The following ALKAL1 variants were observed in gnomAD, a reference collection of about 807,000 sequenced individuals.
ALKAL1 encodes AUG-beta.
A neutral mutation model predicts 13.5 loss-of-function variants in ALKAL1; 23 were observed. That is an observed-to-expected ratio of 1.70 (90% CI 1.23 to 2.41). The LOEUF is 2.41. Among genes scored for constraint, ALKAL1 ranks in the 30% most tolerant of loss-of-function variants. The pLI is 0.00. For synonymous variants in ALKAL1, 85 were observed against 77.7 expected, an observed-to-expected ratio of 1.09 and a Z score of -0.49; for missense variants, 181 against 178.4, an observed-to-expected ratio of 1.01 and a Z score of -0.08.
chr8:52,560,790 C>T (rs1847541990), intron 1 of ALKAL1, among the ~76,000 whole-genome samples: 1 of 152,156 alleles, frequency 6.6e-6, no homozygotes, highest in Admixed American at 6.5e-5. Context: ...TATGATCCTG[C>T]TAGCTAGCAG....
At chr8:52,563,356 G>A (rs1847570155) in intron 1 of ALKAL1, among the ~76,000 whole-genome samples, 1 of 152,226 alleles carries the variant, frequency 6.6e-6, no homozygotes, top group Non-Finnish European at 1.5e-5. Flanking sequence ...GCTTGAACCC[G>A]GGAGGCGGAG....
At chr8:52,563,355 C>T (rs879909203) in intron 1 of ALKAL1, among the ~76,000 whole-genome samples, 6 of 152,124 alleles carry the variant, frequency 3.9e-5, no homozygotes, top group African/African-American at 9.7e-5. Flanking sequence ...GGCTTGAACC[C>T]GGGAGGCGGA....
At chr8:52,544,654 G>A (rs1847349108) in intron 1 of ALKAL1, among the ~76,000 whole-genome samples, 1 of 152,120 alleles carries the variant, frequency 6.6e-6, no homozygotes, top group African/African-American at 2.4e-5. Flanking sequence ...TGGGTAGGAT[G>A]AGCAAGTCTA....
At chr8:52,556,604 G>C (rs10958329) in intron 1 of ALKAL1, among the ~76,000 whole-genome samples, 44,408 of 131,074 alleles carry the variant, frequency 0.34, 7,293 homozygotes, top group Middle Eastern at 0.42. Flanking sequence ...TCGAGATCGC[G>C]CCACTGCACT....
At chr8:52,535,729 C>A (rs1473417766) in intron 4 of ALKAL1, among the ~76,000 whole-genome samples, 1 of 152,038 alleles carries the variant, frequency 6.6e-6, no homozygotes, top group Non-Finnish European at 1.5e-5. Context: ...ACTAACAGTT[C>A]TAATTATTAT....
chr8:52,558,185 C>T (rs896358923), intron 1 of ALKAL1, among the ~76,000 whole-genome samples: 1 of 139,952 alleles, frequency 7.1e-6, no homozygotes, highest in African/African-American at 2.6e-5. Context: ...CACACATATA[C>T]TTTTTTTTTT....
At position 52,534,533 on chromosome 8, in the gene ALKAL1, C is replaced by A; in HGVS notation, c.*80G>T. ...ATATCCATAAAAATATAAATTTCAT[C>A]TTTTTTTACATTTTGCATGATTTGA... On this transcript the variant is annotated 3_prime_UTR_variant, in exon 5 of 5. Transcript: ENST00000358543. The A allele has an allele frequency of 1.7e-6, 1 of 585,034 alleles. No individual in the cohort carries two copies. The highest frequency in any genetic ancestry group is 2.2e-5 in the South Asian group (1 of 44,690). 36.2% of individuals were successfully genotyped at this position (585,034 alleles called of 1,614,324 possible). A position where few individuals can be genotyped will look rare whatever the true frequency, so the allele number is the denominator to read the frequency against.
chr8:52,559,488 C>G (rs556643426), intron 1 of ALKAL1, among the ~76,000 whole-genome samples: 1 of 152,240 alleles, frequency 6.6e-6, no homozygotes, highest in Non-Finnish European at 1.5e-5. Context: ...CTCCTCCTCA[C>G]TCTCCTTAGT....
intron 1 of ALKAL1, 120 bp downstream of exon 1, chr8:52,564,947 C>T: frequency 1.4e-6 from 1 of 717,034 alleles, no homozygotes; most frequent in Non-Finnish European, 1.9e-6. Flanking sequence ...TGCAGAGATG[C>T]TCTGTTTTCT....
chr8:52,555,735 C>T (rs887083649), intron 1 of ALKAL1, among the ~76,000 whole-genome samples: 1 of 152,196 alleles, frequency 6.6e-6, no homozygotes, highest in Non-Finnish European at 1.5e-5. Context: ...CCTACGCCCA[C>T]TCACCCTGCC....
At chr8:52,536,259 CCACCTT>C (rs1847266196) in intron 4 of ALKAL1, among the ~76,000 whole-genome samples, 1 of 152,088 alleles carries the variant, frequency 6.6e-6, no homozygotes, top group African/African-American at 2.4e-5. Flanking sequence ...ATTTTCATTC[CCACCTT>C]CACAACCTGA....
chr8:52,553,959 C>CA lies in ALKAL1; in HGVS notation c.190+11107dup, dbSNP rs1847454534. 1.3e-5 allele frequency among the ~76,000 whole-genome samples: 2 copies of CA among 152,198 alleles called. 1 individual carries two copies. The highest frequency in any genetic ancestry group is 4.1e-4 in the South Asian group (2 of 4,832). The stretch of plus-strand genomic sequence containing the variant: ...TAAAACAGGGCCGGGTGCAGTGGCT[C>CA]ATGCCTGTAATCCCAGCATTTTGGG... On this transcript the variant is annotated intron_variant, in intron 1 of 4. Transcript: ENST00000358543.
chr8:52,565,010 G>GA, intron 1 of ALKAL1, 57 bp downstream of exon 1: 1 of 1,286,294 alleles, frequency 7.8e-7, no homozygotes, highest in African/African-American at 1.6e-5. Flanking sequence ...GCTCCTAGGG[G>GA]AATCCACGGA....
At chr8:52,559,253 T>C in intron 1 of ALKAL1, among the ~76,000 whole-genome samples, 1 of 152,168 alleles carries the variant, frequency 6.6e-6, no homozygotes, top group East Asian at 1.9e-4. Flanking sequence ...GGGGGCTTAA[T>C]CGTTATGTTC....
intron 4 of ALKAL1, among the ~76,000 whole-genome samples, 183 bp downstream of exon 4, chr8:52,538,245 AAAG>A (rs1207200978): frequency 6.6e-6 from 1 of 152,176 alleles, no homozygotes; most frequent in Non-Finnish European, 1.5e-5. Context: ...TAAAGCTGCA[AAAG>A]AAGGTTTTGA....
chr8:52,554,692 TC>T (rs1847463189), intron 1 of ALKAL1, among the ~76,000 whole-genome samples: 1 of 152,142 alleles, frequency 6.6e-6, no homozygotes, highest in African/African-American at 2.4e-5. Context: ...TTATGAAAAA[TC>T]CATTGATAAG....
intron 1 of ALKAL1, among the ~76,000 whole-genome samples, chr8:52,543,345 G>A (rs1179983350): frequency 6.6e-6 from 1 of 152,236 alleles, no homozygotes; most frequent in Non-Finnish European, 1.5e-5. Context: ...ACGGTGATGA[G>A]TGTGACTTCG....
intron 1 of ALKAL1, among the ~76,000 whole-genome samples, chr8:52,559,884 A>T (rs888476417): frequency 6.6e-6 from 1 of 152,176 alleles, no homozygotes; most frequent in Non-Finnish European, 1.5e-5. Flanking sequence ...AATATTTTAA[A>T]ATTCAAATTA....
chr8:52,541,208 G>A (rs2150344057), intron 2 of ALKAL1, among the ~76,000 whole-genome samples: 1 of 152,268 alleles, frequency 6.6e-6, no homozygotes, highest in Admixed American at 6.5e-5. Context: ...TGGTGCAGTG[G>A]CTCACAACTA....
Sources: allele counts gnomAD v4.1 joint callset (sites outside exome capture counted in the v4.1 genomes callset), GRCh38; gene constraint gnomAD v4.1.1; transcripts MANE v1.5; gene names NCBI Gene and HGNC (gene_info 2026-07-23, HGNC 2026-07-21).